The following PRKCZ variants were observed in gnomAD, a reference collection of about 807,000 sequenced individuals.
PRKCZ encodes the protein protein kinase C zeta.
A neutral mutation model predicts 79.5 loss-of-function variants in PRKCZ; 33 were observed. That is an observed-to-expected ratio of 0.41 (90% CI 0.31 to 0.55). The LOEUF is 0.55. PRKCZ is among the 20% of genes least tolerant of loss of function. The probability of loss-of-function intolerance (pLI) is 0.19; values close to 1 mark genes in which losing one functional copy is unlikely to be tolerated. For synonymous variants in PRKCZ, 342 were observed against 320.9 expected, an observed-to-expected ratio of 1.07 and a Z score of -0.70; for missense variants, 578 against 813.5, an observed-to-expected ratio of 0.71 and a Z score of 3.52.
chr1:2,060,036 C>T (rs371488400), intron 4 of PRKCZ, among the ~76,000 whole-genome samples: 19 of 152,326 alleles, frequency 1.2e-4, no homozygotes, highest in African/African-American at 4.6e-4. Context: ...GTCCCGGGGG[C>T]TGTGGCTTCA....
At position 2,089,215 on chromosome 1, in the gene PRKCZ, C is replaced by T. The variant is rs545560315; in HGVS notation, c.334+29624C>T. On this transcript the variant is annotated intron_variant, in intron 4 of 17. Transcript: ENST00000378567. ...GCGAGGTCCCTGGGCAGAGTTCGGC[C>T]GGGCGATGGCAGACGCCATGAGGAA... is the stretch of plus-strand genomic sequence containing the variant. 3.1e-3 allele frequency among the ~76,000 whole-genome samples: 392 copies of T among 125,640 alleles called. 5 individuals are homozygous for T. Among genetic ancestry groups the T allele is most frequent in the African/African-American group, 0.015 (379 of 24,762 alleles). The allele number at this position is 125,640 out of a possible 152,430, so 82.4% of individuals were successfully genotyped here. A position where few individuals can be genotyped will look rare whatever the true frequency, so the allele number is the denominator to read the frequency against.
At position 2,082,168 on chromosome 1, in the gene PRKCZ, G is replaced by T. The variant is rs190914208; in HGVS notation, c.334+22577G>T. 1 of 347,280 alleles carries T rather than the reference G, an allele frequency of 2.9e-6. No homozygotes were observed. Among genetic ancestry groups the T allele is most frequent in the Non-Finnish European group, 5.6e-6 (1 of 177,084 alleles). 21.5% of individuals were successfully genotyped at this position (347,280 alleles called of 1,614,324 possible). A position where few individuals can be genotyped will look rare whatever the true frequency, so the allele number is the denominator to read the frequency against. ...GTCAGGGGTGCTGGACGCGTCAGACGGGTTCTTTGCAGCCCTTGGCAGCGT... is the reference window on the plus strand; with the variant it reads ...GTCAGGGGTGCTGGACGCGTCAGACTGGTTCTTTGCAGCCCTTGGCAGCGT... On this transcript the variant is annotated intron_variant, in intron 4 of 17. Transcript: ENST00000378567. The surrounding 1 kb of genome is among the most constrained non-coding windows in gnomAD (Gnocchi z 4.4).
intron 4 of PRKCZ, among the ~76,000 whole-genome samples, chr1:2,106,236 A>G (rs1169121625): frequency 6.6e-6 from 1 of 152,252 alleles, no homozygotes; most frequent in African/African-American, 2.4e-5. Flanking sequence ...CAGCCAAGGC[A>G]TCCAAACATC....
At chr1:2,074,446 C>T (rs763008510) in intron 4 of PRKCZ, among the ~76,000 whole-genome samples, 3 of 139,814 alleles carry the variant, frequency 2.1e-5, no homozygotes, top group Non-Finnish European at 4.4e-5. Flanking sequence ...GTGGGTCTGT[C>T]GGGGCCAGGA....
chr1:2,067,600 C>T (rs753591378), intron 4 of PRKCZ, among the ~76,000 whole-genome samples: 4 of 152,124 alleles, frequency 2.6e-5, no homozygotes, highest in South Asian at 4.1e-4. Context: ...CCTGCTGCCA[C>T]GTGTGCCGGG....
chr1:2,135,273 C>T lies in PRKCZ; in HGVS notation c.346C>T (p.Arg116Cys), dbSNP rs1034849846. The change falls in exon 5 of 18, where the codon CGC becomes TGC. Residue 116 changes from arginine (R) to cysteine (C), a missense_variant. By Grantham distance (180) the Arg-to-Cys change is radical (BLOSUM62 -3). Around this residue, in one of 4 missense-constraint regions of PRKCZ, gnomAD observed 228 missense variants for 211.6 expected, o/e 1.08. Transcript: ENST00000378567. ...CATATCCTTTCCAGAATCTATCTAC[C>T]GCCGGGGAGCCAGAAGATGGAGGAA... is the stretch of plus-strand genomic sequence containing the variant. ...PCPGEDKSIY[R>C]RGARRWRKLY... 1.6e-5 allele frequency: 26 copies of T among 1,612,632 alleles called. No homozygotes were observed. The highest frequency in any genetic ancestry group is 4.5e-5 in the East Asian group (2 of 44,882).
chr1:2,163,562 A>G (rs1682730864), intron 10 of PRKCZ, among the ~76,000 whole-genome samples: 1 of 152,240 alleles, frequency 6.6e-6, no homozygotes, highest in Non-Finnish European at 1.5e-5. Context: ...TGTCCTATTA[A>G]GGGACTTTCC....
intron 4 of PRKCZ, among the ~76,000 whole-genome samples, chr1:2,081,450 G>A (rs1299869078): frequency 3.9e-5 from 6 of 152,214 alleles, no homozygotes; most frequent in Non-Finnish European, 7.3e-5. Flanking sequence ...GGTCTCGGGC[G>A]AGTCTGGGCT....
In PRKCZ at chr1:2,185,391, T is replaced by A. The variant is rs182024458; in HGVS notation, c.*382T>A. 65 of 718,872 alleles carry A rather than the reference T, an allele frequency of 9.0e-5. No homozygotes were observed. Among genetic ancestry groups the A allele is most frequent in the Admixed American group, 5.0e-4 (25 of 50,030 alleles). 44.5% of individuals were successfully genotyped at this position (718,872 alleles called of 1,614,324 possible). A position where few individuals can be genotyped will look rare whatever the true frequency, so the allele number is the denominator to read the frequency against. On this transcript the variant is annotated 3_prime_UTR_variant, in exon 18 of 18. Transcript: ENST00000378567. ...TGAGGAATAAAATGTTCCGATGATGTGGAAGCTCCTCTGATGCCTTTTTTC... is the reference window on the plus strand; with the variant it reads ...TGAGGAATAAAATGTTCCGATGATGAGGAAGCTCCTCTGATGCCTTTTTTC...
chr1:2,173,769 C>T lies in PRKCZ; in HGVS notation c.1286-128C>T. ...TTTGGGAAGTGGAAGTCACAGAGGC[C>T]TGTGTGCCGCCTGCTCAAGCCTGGC... On this transcript the variant is annotated intron_variant, in intron 13 of 17. Coordinates refer to ENST00000378567, the MANE Select transcript of PRKCZ (RefSeq NM_002744.6). This position sits in a 1 kb window ranked among gnomAD's most constrained non-coding sequence, Gnocchi z 5.7. The T allele has an allele frequency of 7.4e-7, 1 of 1,358,658 alleles. No homozygotes were observed. Among genetic ancestry groups the T allele is most frequent in the African/African-American group, 1.5e-5 (1 of 67,074 alleles). 84.2% of individuals were successfully genotyped at this position (1,358,658 alleles called of 1,614,324 possible).
chr1:2,071,505 C>T lies in PRKCZ; in HGVS notation c.334+11914C>T, dbSNP rs75127108. On this transcript the variant is annotated intron_variant, in intron 4 of 17. Coordinates refer to ENST00000378567, the MANE Select transcript of PRKCZ (RefSeq NM_002744.6). ...GATTCCCTGGTATTTATAGGTATGT[C>T]TATTGTTTTATTAAAAAATCCAGTT... 489 of 172,976 alleles carry T rather than the reference C, an allele frequency of 2.8e-3. 23 individuals are homozygous for T. The East Asian group carries it at 0.076, about 27-fold the overall frequency. 10.7% of individuals were successfully genotyped at this position (172,976 alleles called of 1,614,324 possible). A position where few individuals can be genotyped will look rare whatever the true frequency, so the allele number is the denominator to read the frequency against.
intron 5 of PRKCZ, among the ~76,000 whole-genome samples, chr1:2,136,980 C>G (rs966775227): frequency 6.6e-6 from 1 of 152,134 alleles, no homozygotes; most frequent in African/African-American, 2.4e-5. Context: ...AACTGGCCCT[C>G]GGGCGCACAA....
chr1:2,155,540 T>C (rs1425557691), intron 9 of PRKCZ, among the ~76,000 whole-genome samples: 1 of 149,808 alleles, frequency 6.7e-6, no homozygotes, highest in Non-Finnish European at 1.5e-5. Flanking sequence ...CCAATGGTGA[T>C]GGTGGTGGTG....
chr1:2,071,307 A>G, intron 4 of PRKCZ: 1 of 457,072 alleles, frequency 2.2e-6, no homozygotes, highest in Admixed American at 2.4e-5. Context: ...AGGGAGGGTC[A>G]AGTGGGAAGA....
At chr1:2,062,864 G>A (rs1256561152) in intron 4 of PRKCZ, among the ~76,000 whole-genome samples, 1 of 151,810 alleles carries the variant, frequency 6.6e-6, no homozygotes, top group South Asian at 2.1e-4. Flanking sequence ...CATCATCACC[G>A]CCCATCTCCA....
At chr1:2,054,094 A>G (rs1429390352) in intron 1 of PRKCZ, among the ~76,000 whole-genome samples, 1 of 152,114 alleles carries the variant, frequency 6.6e-6, no homozygotes, top group Non-Finnish European at 1.5e-5. Context: ...TTCTGTTTGC[A>G]CTGGAGTTCT....
intron 5 of PRKCZ, 46 bp downstream of exon 5, chr1:2,135,393 C>A: frequency 6.6e-7 from 1 of 1,506,712 alleles, no homozygotes; most frequent in Non-Finnish European, 9.1e-7. Context: ...CCTTTTGTTA[C>A]TTTTAAAAGC....
At chr1:2,065,847 C>T (rs1015564165) in intron 4 of PRKCZ, among the ~76,000 whole-genome samples, 1 of 152,070 alleles carries the variant, frequency 6.6e-6, no homozygotes, top group African/African-American at 2.4e-5. Context: ...CCAAGTTTGT[C>T]AATTGTTTTT....
At chr1:2,053,855 C>G (rs1659916464) in intron 1 of PRKCZ, among the ~76,000 whole-genome samples, 1 of 152,214 alleles carries the variant, frequency 6.6e-6, no homozygotes, top group African/African-American at 2.4e-5. Flanking sequence ...CCTTACTTTC[C>G]TAATCTGCCA....
Sources: allele counts gnomAD v4.1 joint callset (sites outside exome capture counted in the v4.1 genomes callset), GRCh38; gene constraint gnomAD v4.1.1; regional missense constraint gnomAD v4.1.1; non-coding constraint Gnocchi (gnomAD v3.1); transcripts MANE v1.5; gene names NCBI Gene and HGNC (gene_info 2026-07-23, HGNC 2026-07-21).